The following NFATC3 variants were observed in gnomAD, a reference collection of about 807,000 sequenced individuals.
NFATC3 encodes the protein nuclear factor of activated T cells 3, also known as nuclear factor of activated T-cells, cytoplasmic 3.
Under a neutral mutation model 98.6 loss-of-function variants are expected in NFATC3, and 46 were observed. The observed-to-expected ratio is 0.47, with a 90% CI of 0.37 to 0.60. NFATC3 has a LOEUF of 0.60. Ranked by LOEUF, NFATC3 falls within the 20% of genes least tolerant of loss-of-function variation. The probability of loss-of-function intolerance (pLI) is 0.00; values close to 1 mark genes in which losing one functional copy is unlikely to be tolerated. For synonymous variants in NFATC3, 512 were observed against 472.2 expected (o/e 1.08, Z -1.09); for missense variants, 1,256 against 1,295.5 (o/e 0.97, Z 0.47).
intron 4 of NFATC3, among the ~76,000 whole-genome samples, chr16:68,160,693 A>T (rs1285554846): frequency 1.4e-5 from 2 of 147,472 alleles, no homozygotes; most frequent in East Asian, 2.0e-4. Flanking sequence ...CTACTCTTAA[A>T]TTTTTTTTTT....
At chr16:68,192,970 C>CAGTT (rs944946316) in intron 9 of NFATC3, among the ~76,000 whole-genome samples, 15 of 152,138 alleles carry the variant, frequency 9.9e-5, no homozygotes, top group African/African-American at 3.6e-4. Flanking sequence ...AGGATGAGTA[C>CAGTT]AGTTGGCTTT....
At chr16:68,136,002 G>T (rs1231239754) in intron 3 of NFATC3, among the ~76,000 whole-genome samples, 1 of 152,102 alleles carries the variant, frequency 6.6e-6, no homozygotes, top group Non-Finnish European at 1.5e-5. Context: ...GGCAGAGGTT[G>T]CAGTGAGCCG....
chr16:68,172,042 G>A (rs1262741367), intron 5 of NFATC3, among the ~76,000 whole-genome samples: 1 of 150,562 alleles, frequency 6.6e-6, no homozygotes, highest in Non-Finnish European at 1.5e-5. Context: ...GTTCAGGTTG[G>A]GCTCATTGGC....
chr16:68,147,194 A>C (rs1192964047), intron 3 of NFATC3, among the ~76,000 whole-genome samples: 1 of 152,238 alleles, frequency 6.6e-6, no homozygotes, highest in Non-Finnish European at 1.5e-5. Context: ...TCAGCCATCT[A>C]ATATGACTAG....
At chr16:68,203,876 C>T (rs886908977) in intron 9 of NFATC3, among the ~76,000 whole-genome samples, 2 of 151,944 alleles carry the variant, frequency 1.3e-5, no homozygotes, top group Non-Finnish European at 2.9e-5. Context: ...CATGGTGAAA[C>T]TTCGTCTCTA....
At chr16:68,199,774 G>A (rs2040836980) in intron 9 of NFATC3, 1 of 151,212 alleles carries the variant, frequency 6.6e-6, no homozygotes, top group South Asian at 2.1e-4. Context: ...TTTTAGTAGA[G>A]ACAGGGTCTC....
At chr16:68,115,140 T>A (rs2036205560) in intron 1 of NFATC3, among the ~76,000 whole-genome samples, 1 of 152,002 alleles carries the variant, frequency 6.6e-6, no homozygotes. Context: ...CTCAGCTCAC[T>A]GCAACCTCCG....
chr16:68,164,929 A>G (rs997213520), intron 4 of NFATC3, among the ~76,000 whole-genome samples: 20 of 152,226 alleles, frequency 1.3e-4, no homozygotes, highest in Non-Finnish European at 1.9e-4. Context: ...AGTTTTAAAG[A>G]TAATTTAATA....
chr16:68,198,819 C>G (rs1171486584), intron 9 of NFATC3, among the ~76,000 whole-genome samples: 3 of 152,072 alleles, frequency 2.0e-5, no homozygotes, highest in African/African-American at 4.8e-5. Context: ...GAGGCCAAGG[C>G]GGGCAGATCA....
chr16:68,221,260 A>G (rs1383836921), intron 9 of NFATC3: 7 of 1,614,162 alleles, frequency 4.3e-6, no homozygotes, highest in Non-Finnish European at 5.9e-6. Context: ...CAGTCCCAGC[A>G]GGAAGATATC....
chr16:68,199,322 C>T (rs1287806987), intron 9 of NFATC3, among the ~76,000 whole-genome samples: 6 of 148,252 alleles, frequency 4.0e-5, no homozygotes, highest in African/African-American at 2.5e-5. Flanking sequence ...CTCCCGGGTT[C>T]ACGCCATTCT....
chr16:68,221,578 C>T, intron 9 of NFATC3: 1 of 1,104,650 alleles, frequency 9.1e-7, no homozygotes. Flanking sequence ...CAGGGGAAAA[C>T]AAGATAGAGA....
In NFATC3 at chr16:68,216,404, G is replaced by GT. The variant is rs2041638625; in HGVS notation, c.3107-9945dup. 2.6e-5 allele frequency among the ~76,000 whole-genome samples: 4 copies of GT among 152,242 alleles called. No homozygotes were observed. The Middle Eastern group carries it at 0.01, about 388-fold the overall frequency. On this transcript the variant is annotated intron_variant, in intron 9 of 9. Coordinates refer to ENST00000346183, the MANE Select transcript of NFATC3 (RefSeq NM_173165.3). ...TGCTGATACTTGAATATACTTTCAA[G>GT]TACCTGTGTACTGTTTACTCAGCTG...
intron 4 of NFATC3, among the ~76,000 whole-genome samples, chr16:68,164,748 T>G (rs1394328867): frequency 6.6e-6 from 1 of 151,592 alleles, no homozygotes; most frequent in Non-Finnish European, 1.5e-5. Flanking sequence ...GGCGTGGTGG[T>G]GCACGCCTGT....
intron 5 of NFATC3, among the ~76,000 whole-genome samples, chr16:68,172,027 AGT>A (rs1459319330): frequency 4.6e-5 from 7 of 151,444 alleles, no homozygotes; most frequent in Admixed American, 2.0e-4. Flanking sequence ...TAACAGCAAA[AGT>A]GTGTTCAGGT....
intron 1 of NFATC3, among the ~76,000 whole-genome samples, chr16:68,094,756 A>C (rs998851330): frequency 6.6e-6 from 1 of 152,206 alleles, no homozygotes; most frequent in East Asian, 1.9e-4. Flanking sequence ...ATTTGAAATA[A>C]ATAGTAAAAT....
At chr16:68,111,231 CTCCCACTA>C (rs1269739690) in intron 1 of NFATC3, among the ~76,000 whole-genome samples, 1 of 152,126 alleles carries the variant, frequency 6.6e-6, no homozygotes, top group Non-Finnish European at 1.5e-5. Context: ...GGTGTTAAGT[CTCCCACTA>C]TTGTTGTGTG....
chr16:68,202,085 G>T (rs1831944830), intron 9 of NFATC3, among the ~76,000 whole-genome samples: 1 of 149,076 alleles, frequency 6.7e-6, no homozygotes, highest in South Asian at 2.1e-4. Context: ...TTCCATTAAA[G>T]TCCCTCAGTT....
chr16:68,096,090 A>G (rs1434738704), intron 1 of NFATC3, among the ~76,000 whole-genome samples: 5 of 152,276 alleles, frequency 3.3e-5, no homozygotes, highest in African/African-American at 1.2e-4. Context: ...CCTCCCAAGT[A>G]GCTCAAACCA....
Sources: allele counts gnomAD v4.1 joint callset (sites outside exome capture counted in the v4.1 genomes callset), GRCh38; gene constraint gnomAD v4.1.1; transcripts MANE v1.5; gene names NCBI Gene and HGNC (gene_info 2026-07-23, HGNC 2026-07-21).